CSMD1: variants seen among roughly 807,000 people sequenced by gnomAD.
CSMD1 encodes the protein CUB and Sushi multiple domains 1.
Under a neutral mutation model 417.5 loss-of-function variants are expected in CSMD1, and 213 were observed. That is an observed-to-expected ratio of 0.51 (90% confidence interval 0.46 to 0.57). The LOEUF (loss-of-function observed/expected upper bound fraction) is 0.57, where lower values mean the gene tolerates loss of function less well. Ranked by LOEUF, CSMD1 falls within the 20% of genes least tolerant of loss-of-function variation. The pLI, the probability that CSMD1 is intolerant of heterozygous loss-of-function variation, is 0.00. For missense variants in CSMD1, 6,923 were observed against 4,529.7 expected (o/e 1.53, Z -15.17); for synonymous variants, 2,862 against 1,736.8 (o/e 1.65, Z -16.11).
At chr8:3,531,921 C>G (rs974386954) in intron 10 of CSMD1, among the ~76,000 whole-genome samples, 1 of 152,144 alleles carries the variant, frequency 6.6e-6, no homozygotes. Context: ...AAGAAATGAG[C>G]AACATGCAGT....
intron 1 of CSMD1, among the ~76,000 whole-genome samples, chr8:4,820,770 T>TC (rs1457703386): frequency 6.6e-6 from 1 of 152,194 alleles, no homozygotes. Context: ...TTCCTGTTTT[T>TC]CCCACCTTAT....
At chr8:3,304,547 T>G (rs1278245207) in intron 25 of CSMD1, among the ~76,000 whole-genome samples, 1 of 152,154 alleles carries the variant, frequency 6.6e-6, no homozygotes, top group African/African-American at 2.4e-5. Flanking sequence ...AGGATAAACA[T>G]GGATGGCTAC....
At chr8:4,262,375 G>T (rs569100226) in intron 3 of CSMD1, among the ~76,000 whole-genome samples, 2 of 152,192 alleles carry the variant, frequency 1.3e-5, no homozygotes, top group African/African-American at 4.8e-5. Context: ...TAAGCAGGCT[G>T]AAAGGAATCC....
chr8:4,411,782 A>G (rs1380292218), intron 3 of CSMD1, among the ~76,000 whole-genome samples: 1 of 152,212 alleles, frequency 6.6e-6, no homozygotes, highest in Non-Finnish European at 1.5e-5. Flanking sequence ...TTTCACCAAA[A>G]TGGAATCACG....
chr8:4,754,281 G>C (rs1039485783), intron 1 of CSMD1, among the ~76,000 whole-genome samples: 6 of 152,112 alleles, frequency 3.9e-5, no homozygotes, highest in South Asian at 2.1e-4. Context: ...ACAATTGCCA[G>C]AAATTGCACT....
intron 3 of CSMD1, among the ~76,000 whole-genome samples, chr8:4,373,188 A>T (rs1802504649): frequency 6.6e-6 from 1 of 152,214 alleles, no homozygotes; most frequent in African/African-American, 2.4e-5. Context: ...TGCTGCTCCA[A>T]ACTGTCAAAG....
intron 23 of CSMD1, among the ~76,000 whole-genome samples, chr8:3,316,511 T>G (rs1382592738): frequency 7.2e-6 from 1 of 139,660 alleles, no homozygotes; most frequent in Non-Finnish European, 1.6e-5. Flanking sequence ...TATTGGTAGC[T>G]GGAGGGGTTC....
chr8:3,384,452 T>C lies in CSMD1; in HGVS notation c.2782+3042A>G, dbSNP rs539136950. 2.7e-3 allele frequency among the ~76,000 whole-genome samples: 410 copies of C among 151,572 alleles called. 1 individual carries two copies. The highest frequency in any genetic ancestry group is 0.01 in the Middle Eastern group (3 of 288). On this transcript the variant is annotated intron_variant, in intron 18 of 69. Coordinates refer to ENST00000635120, the MANE Select transcript of CSMD1 (RefSeq NM_033225.6). ...ATCTGTTACTAGAATCCTTACGCTATTGCACTAATATATTTGTGTATTTCC... is the reference window on the plus strand; with the variant it reads ...ATCTGTTACTAGAATCCTTACGCTACTGCACTAATATATTTGTGTATTTCC...
At chr8:4,221,294 A>G (rs1223729437) in intron 3 of CSMD1, among the ~76,000 whole-genome samples, 2 of 151,422 alleles carry the variant, frequency 1.3e-5, no homozygotes, top group Non-Finnish European at 2.9e-5. Flanking sequence ...AACATGGCAT[A>G]TTGAATACAC....
intron 41 of CSMD1, among the ~76,000 whole-genome samples, chr8:3,130,973 T>G (rs1350049285): frequency 6.6e-6 from 1 of 152,246 alleles, no homozygotes; most frequent in East Asian, 1.9e-4. Context: ...CTAAGGTCAT[T>G]GTCATTCTCA....
chr8:4,383,629 A>G (rs13439862), intron 3 of CSMD1, among the ~76,000 whole-genome samples: 17,508 of 152,226 alleles, frequency 0.12, 1,089 homozygotes, highest in South Asian at 0.2. Context: ...TAAACTGAGA[A>G]TCAACTATGT....
chr8:4,335,977 A>C (rs560034543), intron 3 of CSMD1, among the ~76,000 whole-genome samples: 2 of 152,260 alleles, frequency 1.3e-5, no homozygotes, highest in Admixed American at 6.5e-5. Context: ...ACATGAGACT[A>C]TAGGGTCAGC....
intron 2 of CSMD1, among the ~76,000 whole-genome samples, chr8:4,572,479 G>C (rs1199908233): frequency 6.6e-6 from 1 of 152,212 alleles, no homozygotes; most frequent in Non-Finnish European, 1.5e-5. Flanking sequence ...TTTCTGCAGA[G>C]AGATCCACTG....
chr8:2,963,967 T>C (rs1054355859), intron 59 of CSMD1, among the ~76,000 whole-genome samples: 2 of 152,240 alleles, frequency 1.3e-5, no homozygotes, highest in African/African-American at 4.8e-5. Flanking sequence ...TTTATGGGGC[T>C]GAGAAGCAAG....
At chr8:4,531,600 G>C (rs1007273051) in intron 2 of CSMD1, among the ~76,000 whole-genome samples, 1 of 152,104 alleles carries the variant, frequency 6.6e-6, no homozygotes, top group Non-Finnish European at 1.5e-5. Flanking sequence ...TGTAAGATGC[G>C]AGCTTTCTGC....
intron 5 of CSMD1, among the ~76,000 whole-genome samples, chr8:3,874,954 G>A (rs1805716085): frequency 1.3e-5 from 2 of 152,104 alleles, no homozygotes; most frequent in Admixed American, 1.3e-4. Flanking sequence ...TAATCTGAGA[G>A]CTTCTACCAT....
chr8:2,961,208 G>C lies in CSMD1; in HGVS notation c.9635C>G (p.Ala3212Gly), dbSNP rs763331273. The change falls in exon 62 of 70, where the codon GCT (alanine) becomes GGT (glycine). Residue 3212 changes from alanine (A) to glycine (G), a missense_variant. Ala to Gly is a moderately conservative substitution (Grantham distance 60). Coordinates refer to ENST00000635120, the MANE Select transcript of CSMD1 (RefSeq NM_033225.6). ...ACCAGGGTCTGGGCAGGTGTTATGA[G>C]CAGGATCTGAAATTTGTGATTTAAA... Reference protein sequence around the residue: ...SGIQPTCIDPAHNTCPDPGTP... With the variant: ...SGIQPTCIDPGHNTCPDPGTP... 1 of 1,591,088 alleles carries C rather than the reference G, an allele frequency of 6.3e-7. No homozygotes were observed. The highest frequency in any genetic ancestry group is 8.6e-7 in the Non-Finnish European group (1 of 1,165,012).
At chr8:3,147,562 G>T (rs1460452246) in intron 40 of CSMD1, among the ~76,000 whole-genome samples, 2 of 152,174 alleles carry the variant, frequency 1.3e-5, no homozygotes, top group Non-Finnish European at 2.9e-5. Flanking sequence ...GAGACCACGG[G>T]AAGCTACATT....
intron 1 of CSMD1, among the ~76,000 whole-genome samples, chr8:4,842,273 C>T (rs144024060): frequency 6.6e-6 from 1 of 152,150 alleles, no homozygotes; most frequent in Non-Finnish European, 1.5e-5. Flanking sequence ...TATGAATCTT[C>T]CAGATGCATT....
Sources: gnomAD v4.1 joint callset for allele counts (sites outside exome capture counted in the v4.1 genomes callset) on GRCh38, gnomAD v4.1.1 for gene constraint, MANE v1.5 for transcripts, NCBI Gene and HGNC (gene_info 2026-07-23, HGNC 2026-07-21) for gene names.